RGS7: variants seen among roughly 807,000 people sequenced by gnomAD.
RGS7 encodes regulator of G-protein signaling 7.
RGS7 carries 27 observed loss-of-function variants against 81.1 expected under a neutral mutation model. The observed-to-expected ratio is 0.33, with a 90% CI of 0.25 to 0.46. The LOEUF is 0.46. Among genes scored for constraint, RGS7 ranks in the 20% least tolerant of loss-of-function variants. RGS7 has a pLI of 1.00. For synonymous variants in RGS7, 208 were observed against 207.7 expected (o/e 1.00, Z -0.01); for missense variants, 396 against 607.4 (o/e 0.65, Z 3.66).
At chr1:241,056,469 GACC>G (rs2061486100) in intron 3 of RGS7, among the ~76,000 whole-genome samples, 1 of 152,098 alleles carries the variant, frequency 6.6e-6, no homozygotes, top group Non-Finnish European at 1.5e-5. Flanking sequence ...CGAGTTCAGG[GACC>G]ACATTTCTCT....
intron 2 of RGS7, among the ~76,000 whole-genome samples, chr1:241,336,902 A>G (rs2082276124): frequency 6.6e-6 from 1 of 152,216 alleles, no homozygotes; most frequent in African/African-American, 2.4e-5. Flanking sequence ...GACTCACTCA[A>G]GTTCACAAAG....
At chr1:241,177,275 G>A (rs73131659) in intron 2 of RGS7, among the ~76,000 whole-genome samples, 4,855 of 152,278 alleles carry the variant, frequency 0.032, 245 homozygotes, top group African/African-American at 0.11. Context: ...CTGGAGTGAC[G>A]AGAAGAAGCC....
intron 2 of RGS7, among the ~76,000 whole-genome samples, chr1:241,169,236 G>A (rs1366550005): frequency 6.6e-6 from 1 of 151,210 alleles, no homozygotes; most frequent in Non-Finnish European, 1.5e-5. Flanking sequence ...GTATCTATAT[G>A]TGTATGTTCC....
chr1:241,076,248 T>A (rs1022127073), intron 3 of RGS7, among the ~76,000 whole-genome samples: 7 of 152,052 alleles, frequency 4.6e-5, no homozygotes, highest in Admixed American at 6.6e-5. Flanking sequence ...TCCCCATCTC[T>A]CTCTCTCTTT....
intron 2 of RGS7, among the ~76,000 whole-genome samples, chr1:241,133,483 G>A (rs1315280196): frequency 1.3e-5 from 2 of 151,558 alleles, no homozygotes; most frequent in African/African-American, 4.8e-5. Context: ...GAGATAGGTT[G>A]ATAATATTAG....
chr1:241,289,380 T>A (rs553655791), intron 2 of RGS7, among the ~76,000 whole-genome samples: 1 of 152,320 alleles, frequency 6.6e-6, no homozygotes, highest in African/African-American at 2.4e-5. Flanking sequence ...GAAACTCCCC[T>A]TGATCCACAA....
intron 6 of RGS7, among the ~76,000 whole-genome samples, chr1:240,871,699 T>G (rs1558389268): frequency 6.6e-6 from 1 of 152,222 alleles, no homozygotes; most frequent in African/African-American, 2.4e-5. Flanking sequence ...CACTGTGACT[T>G]GAATAAAATA....
intron 11 of RGS7, 40 bp from the exon 12 acceptor site, chr1:240,814,817 CA>C (rs754259349): frequency 7.9e-7 from 1 of 1,262,998 alleles, no homozygotes; most frequent in African/African-American, 1.5e-5. Flanking sequence ...TAAGTAATGA[CA>C]TTTTCACAAT....
chr1:240,811,462 G>C (rs1416049354), intron 14 of RGS7, among the ~76,000 whole-genome samples: 1 of 152,230 alleles, frequency 6.6e-6, no homozygotes, highest in Non-Finnish European at 1.5e-5. Flanking sequence ...AAGAGAATGA[G>C]ACAGCCCAAT....
At chr1:241,069,198 G>A (rs1194023729) in intron 3 of RGS7, among the ~76,000 whole-genome samples, 1 of 152,106 alleles carries the variant, frequency 6.6e-6, no homozygotes, top group African/African-American at 2.4e-5. Flanking sequence ...CCCAATCTTG[G>A]CCACTATCAT....
intron 3 of RGS7, among the ~76,000 whole-genome samples, chr1:241,082,556 T>A (rs1205511781): frequency 1.3e-5 from 2 of 152,212 alleles, no homozygotes; most frequent in East Asian, 3.8e-4. Context: ...CTGTGATGGT[T>A]ACTAGAGGCT....
chr1:241,265,887 C>T (rs532967153), intron 2 of RGS7, among the ~76,000 whole-genome samples: 43 of 149,446 alleles, frequency 2.9e-4, no homozygotes, highest in Non-Finnish European at 3.1e-4. Context: ...CTCCGCCTCC[C>T]GGGTTCAAGC....
At chr1:240,822,637 A>G (rs1692015182) in intron 10 of RGS7, among the ~76,000 whole-genome samples, 1 of 152,164 alleles carries the variant, frequency 6.6e-6, no homozygotes, top group Admixed American at 6.5e-5. Flanking sequence ...TACCATGAAA[A>G]TTTCACTTTT....
At chr1:241,202,763 AG>A (rs2073616616) in intron 2 of RGS7, among the ~76,000 whole-genome samples, 2 of 151,338 alleles carry the variant, frequency 1.3e-5, no homozygotes, top group East Asian at 3.9e-4. Context: ...AGTGGGGAGG[AG>A]TGTAGGGGGC....
chr1:241,161,668 T>C (rs995500563), intron 2 of RGS7, among the ~76,000 whole-genome samples: 2 of 151,002 alleles, frequency 1.3e-5, no homozygotes, highest in African/African-American at 4.8e-5. Context: ...ATTGTATGTA[T>C]ACATGTAATA....
At chr1:241,036,924 G>A (rs953125575) in intron 3 of RGS7, among the ~76,000 whole-genome samples, 39 of 152,254 alleles carry the variant, frequency 2.6e-4, no homozygotes, top group African/African-American at 9.1e-4. Flanking sequence ...GATTGTGGGA[G>A]CTACATACTT....
intron 2 of RGS7, among the ~76,000 whole-genome samples, chr1:241,291,594 T>C (rs1446983218): frequency 2.1e-5 from 2 of 95,100 alleles, no homozygotes; most frequent in Admixed American, 1.2e-4. Flanking sequence ...TTTTGCTTTT[T>C]TGAGATGGAG....
chr1:241,162,582 T>C (rs2069814802), intron 2 of RGS7, among the ~76,000 whole-genome samples: 1 of 152,186 alleles, frequency 6.6e-6, no homozygotes, highest in Non-Finnish European at 1.5e-5. Context: ...TTCCTTTTGT[T>C]CCTGCCCTAA....
chr1:241,060,668 T>C (rs746329554), intron 3 of RGS7, among the ~76,000 whole-genome samples: 9 of 152,208 alleles, frequency 5.9e-5, no homozygotes, highest in Non-Finnish European at 1.0e-4. Flanking sequence ...TTAATGATAG[T>C]TATAGGGCCC....
Sources: allele counts gnomAD v4.1 joint callset (sites outside exome capture counted in the v4.1 genomes callset), GRCh38; gene constraint gnomAD v4.1.1; transcripts MANE v1.5; gene names NCBI Gene and HGNC (gene_info 2026-07-23, HGNC 2026-07-21).